DHX29: variants seen among roughly 807,000 people sequenced by gnomAD.
The protein encoded by DHX29 is DExH-box helicase 29.
DHX29 carries 79 observed loss-of-function variants against 167.9 expected under a neutral mutation model. That is an observed-to-expected ratio of 0.47 (90% CI 0.39 to 0.57). The LOEUF is 0.57. Among genes scored for constraint, DHX29 ranks in the 20% least tolerant of loss-of-function variants. DHX29 has a pLI of 0.00. For missense variants in DHX29, 1,347 were observed against 1,593.4 expected (o/e 0.85, Z 2.63); for synonymous variants, 530 against 546.0 (o/e 0.97, Z 0.41).
chr5:55,270,649 A>G lies in DHX29; in HGVS notation c.2922T>C (p.Ser974=), dbSNP rs913436254. The G allele has an allele frequency of 6.2e-7, 1 of 1,614,100 alleles. No individual in the cohort carries two copies. Among genetic ancestry groups the G allele is most frequent in the South Asian group, 1.1e-5 (1 of 91,088 alleles). ...SLVETFVSKA[S]ALQRQGRAGR... is the part of the protein sequence containing the mutation. The stretch of plus-strand genomic sequence containing the variant: ...CAGCTCTTCCCTGGCGCTGCAAAGC[A>G]CTGGCTTTACTGACAAACGTCTCCA... The change falls in exon 19 of 27, where the codon AGT becomes AGC. Residue 974 remains serine, a synonymous_variant. Transcript: ENST00000251636.
chr5:55,264,917 A>C (rs947149114), intron 23 of DHX29, among the ~76,000 whole-genome samples: 2 of 152,184 alleles, frequency 1.3e-5, no homozygotes, highest in Non-Finnish European at 2.9e-5. Flanking sequence ...TAACAAGTAG[A>C]ATTATAATAC....
chr5:55,258,135 T>A (rs1165319663), intron 26 of DHX29, among the ~76,000 whole-genome samples: 1 of 152,228 alleles, frequency 6.6e-6, no homozygotes, highest in Non-Finnish European at 1.5e-5. Flanking sequence ...CATACTGAAG[T>A]CACTGATCAA....
intron 11 of DHX29, 66 bp from the exon 12 acceptor site, chr5:55,281,581 G>C: frequency 7.9e-7 from 1 of 1,263,990 alleles, no homozygotes; most frequent in Non-Finnish European, 1.1e-6. Flanking sequence ...GCTTTAAAAA[G>C]TGAAGCAGAG....
intron 23 of DHX29, among the ~76,000 whole-genome samples, chr5:55,265,104 A>C (rs1431024041): frequency 1.3e-5 from 2 of 151,678 alleles, no homozygotes. Context: ...GAAAAAAAAA[A>C]AAACAAAGAT....
chr5:55,277,681 G>A (rs960221767), intron 12 of DHX29, among the ~76,000 whole-genome samples: 6 of 151,954 alleles, frequency 3.9e-5, no homozygotes, highest in African/African-American at 1.2e-4. Flanking sequence ...CGACGCGGGC[G>A]GATAACCTGA....
At position 55,256,488 on chromosome 5, in the gene DHX29, T is replaced by C. The variant is rs1469972493; in HGVS notation, c.4110A>G (p.Ter1370TrpextTer2). 8 of 1,593,768 alleles carry C rather than the reference T, an allele frequency of 5.0e-6. No homozygotes were observed. The highest frequency in any genetic ancestry group is 1.2e-5 in the South Asian group (1 of 86,170). Reference protein sequence around the residue: ...ITELIKTENN* With the variant: ...ITELIKTENNW ...AAGCAGTTGACCATGAATTTCAGTT[T>C]CAGTTATTCTCTGTTTTTATCAATT... Residue 1370 changes from the stop codon to tryptophan, a stop_lost, in exon 27 of 27, where the codon TGA (stop) becomes TGG (tryptophan). Transcript: ENST00000251636.
chr5:55,265,831 T>G (rs1436254283), intron 23 of DHX29, among the ~76,000 whole-genome samples: 1 of 152,154 alleles, frequency 6.6e-6, no homozygotes, highest in African/African-American at 2.4e-5. Context: ...GATAGTAGAA[T>G]AAAAGGAGTA....
chr5:55,260,453 G>A (rs1476620437), intron 25 of DHX29, among the ~76,000 whole-genome samples: 8 of 151,618 alleles, frequency 5.3e-5, no homozygotes, highest in South Asian at 2.1e-4. Flanking sequence ...GGCTGGTCTC[G>A]AACTCCTGAC....
Position 55,307,657 on chromosome 5 carries a change from T to C in DHX29, c.-84A>G. 1 of 1,520,688 alleles carries C rather than the reference T, an allele frequency of 6.6e-7. No individual in the cohort carries two copies. The allele number at this position is 1,520,688 out of a possible 1,614,324, so 94.2% of individuals were successfully genotyped here. A position where few individuals can be genotyped will look rare whatever the true frequency, so the allele number is the denominator to read the frequency against. ...CCGAGAGCTCTTCACATTCCCCGGC[T>C]CCGGGGCTGCCACCCTGCGCTTCGA... On this transcript the variant is annotated 5_prime_UTR_variant, in exon 1 of 27. Transcript: ENST00000251636.
chr5:55,264,932 A>G (rs924477222), intron 23 of DHX29, among the ~76,000 whole-genome samples: 1 of 152,182 alleles, frequency 6.6e-6, no homozygotes, highest in African/African-American at 2.4e-5. Flanking sequence ...TAATACCATC[A>G]TTTGCAACCC....
chr5:55,280,197 G>C (rs562259140), intron 12 of DHX29, among the ~76,000 whole-genome samples: 54 of 152,078 alleles, frequency 3.6e-4, no homozygotes, highest in Non-Finnish European at 6.9e-4. Context: ...ACTTGCTGTA[G>C]TGTCTAAGAG....
intron 21 of DHX29, among the ~76,000 whole-genome samples, chr5:55,268,633 T>C (rs971395115): frequency 1.3e-4 from 20 of 152,248 alleles, no homozygotes; most frequent in African/African-American, 4.8e-4. Flanking sequence ...GGTCTCACTA[T>C]GTTGCCCAGG....
intron 26 of DHX29, among the ~76,000 whole-genome samples, chr5:55,258,892 T>C (rs892673863): frequency 3.3e-5 from 5 of 152,298 alleles, no homozygotes; most frequent in Admixed American, 3.3e-4. Context: ...GTTTATTTTA[T>C]ACAGAGAAAT....
At chr5:55,300,608 G>C (rs542455389) in intron 1 of DHX29, among the ~76,000 whole-genome samples, 1 of 152,086 alleles carries the variant, frequency 6.6e-6, no homozygotes, top group Non-Finnish European at 1.5e-5. Context: ...AGGAGGCAGA[G>C]GTTGCAGTGA....
intron 2 of DHX29, among the ~76,000 whole-genome samples, chr5:55,297,874 T>G (rs535401459): frequency 2.2e-3 from 339 of 152,366 alleles, no homozygotes; most frequent in Middle Eastern, 0.01. Flanking sequence ...CTTTGATTCC[T>G]ACTTTTTCCT....
Position 55,283,256 on chromosome 5 carries a change from A to T in DHX29, c.1912T>A (p.Leu638Ile). 6.2e-7 allele frequency: 1 copy of T among 1,612,112 alleles called. No homozygotes were observed. Among genetic ancestry groups the T allele is most frequent in the Non-Finnish European group, 8.5e-7 (1 of 1,178,566 alleles). ...AATTCATCACATACTCTGTTGGCTA[A>T]ACTAACTGCTGAGATTCTTCGGGGT... ...TQPRRISAVS[L>I]ANRVCDELGC... The change falls in exon 11 of 27, where the codon TTA becomes ATA. Residue 638 changes from leucine to isoleucine, a missense_variant. Around this residue, in one of 3 missense-constraint regions of DHX29, gnomAD observed 882 missense variants for 1,082.4 expected, o/e 0.81. Transcript: ENST00000251636.
intron 1 of DHX29, among the ~76,000 whole-genome samples, chr5:55,300,271 G>A (rs1431812464): frequency 1.3e-5 from 2 of 152,130 alleles, no homozygotes; most frequent in African/African-American, 4.8e-5. Context: ...GCTGAGGCAG[G>A]AAAACTGCTT....
intron 1 of DHX29, among the ~76,000 whole-genome samples, chr5:55,300,299 G>C (rs1474503742): frequency 6.6e-6 from 1 of 152,048 alleles, no homozygotes; most frequent in Admixed American, 6.5e-5. Context: ...GGAGTTCAAG[G>C]CTGCAGTAGT....
At chr5:55,262,489 G>T in intron 24 of DHX29, 141 bp downstream of exon 24, 2 of 1,044,566 alleles carry the variant, frequency 1.9e-6, no homozygotes, top group South Asian at 1.6e-5. Context: ...GAAGCTATGT[G>T]CATCTTGATT....
Sources: gnomAD v4.1 joint callset for allele counts (sites outside exome capture counted in the v4.1 genomes callset) on GRCh38, gnomAD v4.1.1 for gene constraint, gnomAD v4.1.1 regional missense constraint, MANE v1.5 for transcripts, NCBI Gene and HGNC (gene_info 2026-07-23, HGNC 2026-07-21) for gene names.